CDC37L1: variants seen among roughly 807,000 people sequenced by gnomAD.
The protein encoded by CDC37L1 is hsp90 co-chaperone Cdc37-like 1.
CDC37L1 carries 32 observed loss-of-function variants against 45.9 expected under a neutral mutation model. That is an observed-to-expected ratio of 0.70 (90% CI 0.53 to 0.94). CDC37L1 has a LOEUF of 0.94. Ranked by LOEUF, CDC37L1 falls within the 40% of genes least tolerant of loss-of-function variation. The pLI, the probability that CDC37L1 is intolerant of heterozygous loss-of-function variation, is 0.00. For synonymous variants in CDC37L1, 150 were observed against 133.0 expected, an observed-to-expected ratio of 1.13 and a Z score of -0.88; for missense variants, 434 against 405.7, an observed-to-expected ratio of 1.07 and a Z score of -0.60.
Position 4,706,180 on chromosome 9 carries a change from GAC to G in CDC37L1, c.*71_*72del, listed in dbSNP as rs759269327. ...AAAGGAAGAACTTGGCTATTTTCTT[GAC>G]ACTTTTATGGGTGCTGCACTTTATT... is the stretch of plus-strand genomic sequence containing the variant. On this transcript the variant is annotated 3_prime_UTR_variant, in exon 7 of 7. Coordinates refer to ENST00000381854, the MANE Select transcript of CDC37L1 (RefSeq NM_017913.4). 1.6e-5 allele frequency: 13 copies of G among 807,470 alleles called. No individual in the cohort carries two copies. The highest frequency in any genetic ancestry group is 2.2e-5 in the Non-Finnish European group (10 of 458,218). The allele number at this position is 807,470 out of a possible 1,614,324, so 50.0% of individuals were successfully genotyped here.
intron 5 of CDC37L1, among the ~76,000 whole-genome samples, chr9:4,699,511 T>C (rs1180632611): frequency 1.3e-5 from 2 of 152,166 alleles, no homozygotes; most frequent in Non-Finnish European, 2.9e-5. Flanking sequence ...CACAGAGTGA[T>C]GTATCTGTTT....
chr9:4,683,092 ATTTT>A lies in CDC37L1; in HGVS notation c.133-1784_133-1781del, dbSNP rs1199101879. 2.1e-5 allele frequency among the ~76,000 whole-genome samples: 3 copies of A among 143,406 alleles called. No homozygotes were observed. The East Asian group carries it at 5.9e-4, about 28-fold the overall frequency. 94.1% of individuals were successfully genotyped at this position (143,406 alleles called of 152,430 possible). A position where few individuals can be genotyped will look rare whatever the true frequency, so the allele number is the denominator to read the frequency against. On this transcript the variant is annotated intron_variant, in intron 1 of 6. Coordinates refer to ENST00000381854, the MANE Select transcript of CDC37L1 (RefSeq NM_017913.4). ...TATACTTTATATATTTTATATATAT[ATTTT>A]ATTTTTATATATAAAATATATTTTA... is the stretch of plus-strand genomic sequence containing the variant.
At position 4,701,846 on chromosome 9, in the gene CDC37L1, T is replaced by G; in HGVS notation, c.748-18T>G. 6.4e-7 allele frequency: 1 copy of G among 1,571,162 alleles called. No individual in the cohort carries two copies. Among genetic ancestry groups the G allele is most frequent in the African/African-American group, 1.4e-5 (1 of 72,670 alleles). On this transcript the variant is annotated intron_variant, in intron 5 of 6. Coordinates refer to ENST00000381854, the MANE Select transcript of CDC37L1 (RefSeq NM_017913.4). ...TCTTGAAGAACACAGTCTTTGTTTT[T>G]TTTTTTGTTTTTTCTAGGCAGAGGA...
Position 4,706,151 on chromosome 9 carries a change from C to T in CDC37L1, c.*39C>T, listed in dbSNP as rs759258159. 4 of 997,014 alleles carry T rather than the reference C, an allele frequency of 4.0e-6. No individual in the cohort carries two copies. Among genetic ancestry groups the T allele is most frequent in the Non-Finnish European group, 4.8e-6 (3 of 623,556 alleles). 61.8% of individuals were successfully genotyped at this position (997,014 alleles called of 1,614,324 possible). ...GCTGAGGCCAAGTGCTATTTTGTTA[C>T]AAGAAAGGAAGAACTTGGCTATTTT... On this transcript the variant is annotated 3_prime_UTR_variant, in exon 7 of 7. Transcript: ENST00000381854.
At chr9:4,699,182 T>C (rs890759492) in intron 5 of CDC37L1, among the ~76,000 whole-genome samples, 2 of 152,178 alleles carry the variant, frequency 1.3e-5, no homozygotes, top group African/African-American at 4.8e-5. Context: ...TAGTAGATTG[T>C]AATAGCTAAA....
chr9:4,680,515 G>C (rs1246213303), intron 1 of CDC37L1, among the ~76,000 whole-genome samples: 1 of 152,050 alleles, frequency 6.6e-6, no homozygotes, highest in Non-Finnish European at 1.5e-5. Flanking sequence ...AAATATATAC[G>C]CATATACTTG....
At chr9:4,684,414 A>G (rs999374253) in intron 1 of CDC37L1, among the ~76,000 whole-genome samples, 17 of 152,232 alleles carry the variant, frequency 1.1e-4, no homozygotes, top group African/African-American at 3.6e-4. Flanking sequence ...AAAAATACAG[A>G]TAGAAAATAG....
At chr9:4,693,602 C>T (rs1841321387) in intron 3 of CDC37L1, among the ~76,000 whole-genome samples, 1 of 152,074 alleles carries the variant, frequency 6.6e-6, no homozygotes, top group Non-Finnish European at 1.5e-5. Flanking sequence ...TTTAGACGTT[C>T]ACTAGGGAAA....
intron 1 of CDC37L1, among the ~76,000 whole-genome samples, chr9:4,680,684 G>GT (rs1563765910): frequency 1.3e-5 from 2 of 152,058 alleles, no homozygotes; most frequent in African/African-American, 4.8e-5. Context: ...ACCTTGTCCT[G>GT]TTTTTTTCTC....
In CDC37L1 at chr9:4,706,007, C is replaced by T. The variant is rs749546434; in HGVS notation, c.913-4C>T. 6.8e-7 allele frequency: 1 copy of T among 1,477,898 alleles called. No homozygotes were observed. The highest frequency in any genetic ancestry group is 9.4e-7 in the Non-Finnish European group (1 of 1,059,156). The allele number at this position is 1,477,898 out of a possible 1,614,324, so 91.5% of individuals were successfully genotyped here. On this transcript the variant is annotated splice_region_variant and splice_polypyrimidine_tract_variant and intron_variant, in intron 6 of 6. Transcript: ENST00000381854. ...CCCCCAATCTACCTTTTCTTTTTCCCCAGAATCCAGATTATCTTCAGTATT... is the reference window on the plus strand; with the variant it reads ...CCCCCAATCTACCTTTTCTTTTTCCTCAGAATCCAGATTATCTTCAGTATT...
chr9:4,684,693 G>A (rs1841230348), intron 1 of CDC37L1, among the ~76,000 whole-genome samples, 184 bp from the exon 2 acceptor site: 1 of 152,168 alleles, frequency 6.6e-6, no homozygotes, highest in Admixed American at 6.5e-5. Flanking sequence ...AATTAACAAA[G>A]AAGTTTAGAA....
chr9:4,703,095 T>C (rs1841414964), intron 6 of CDC37L1: 9 of 1,544,846 alleles, frequency 5.8e-6, no homozygotes, highest in South Asian at 1.2e-5. Flanking sequence ...GGCTCCAAGA[T>C]TTTAAGACCA....
Position 4,688,626 on chromosome 9 carries a change from T to A in CDC37L1, c.508+20T>A. 1 of 1,408,920 alleles carries A rather than the reference T, an allele frequency of 7.1e-7. No individual in the cohort carries two copies. The highest frequency in any genetic ancestry group is 9.6e-7 in the Non-Finnish European group (1 of 1,036,298). 87.3% of individuals were successfully genotyped at this position (1,408,920 alleles called of 1,614,324 possible). A position where few individuals can be genotyped will look rare whatever the true frequency, so the allele number is the denominator to read the frequency against. ...ATTTTGGTAAGTCTACTACTTGGAT[T>A]TCCTTCTTTGTAATGTTTGGTATCA... On this transcript the variant is annotated intron_variant, in intron 3 of 6. Transcript: ENST00000381854.
At chr9:4,684,183 C>G (rs1013953003) in intron 1 of CDC37L1, among the ~76,000 whole-genome samples, 4 of 152,240 alleles carry the variant, frequency 2.6e-5, no homozygotes, top group African/African-American at 9.6e-5. Flanking sequence ...ACTTGGGAGG[C>G]TGAGGCAGGA....
intron 1 of CDC37L1, 81 bp downstream of exon 1, chr9:4,679,980 CTTCTACGCCTTT>C (rs1450581723): frequency 6.5e-7 from 1 of 1,528,210 alleles, no homozygotes. Flanking sequence ...CCCAGACCCT[CTTCTACGCCTTT>C]TTCTACGCCC....
intron 3 of CDC37L1, among the ~76,000 whole-genome samples, chr9:4,691,633 G>A (rs1841301861): frequency 6.6e-6 from 1 of 152,016 alleles, no homozygotes; most frequent in Admixed American, 6.6e-5. Flanking sequence ...TTTCTCTGTG[G>A]TCTTATTTGT....
Position 4,701,939 on chromosome 9 carries a change from C to A in CDC37L1, c.823C>A (p.Gln275Lys). Reference sequence around the variant, plus strand: ...CAAGTCAAGAGTAAGACTTTATTCTCAATCACAAAGTTTTCAACCTATGAC... The same window carrying A: ...CAAGTCAAGAGTAAGACTTTATTCTAAATCACAAAGTTTTCAACCTATGAC... ...AFKSRVRLYS[Q>K]SQSFQPMTVQ... Residue 275 changes from glutamine to lysine, a missense_variant, in exon 6 of 7, where the codon CAA (glutamine) becomes AAA (lysine). Coordinates refer to ENST00000381854, the MANE Select transcript of CDC37L1 (RefSeq NM_017913.4). 1 of 1,592,318 alleles carries A rather than the reference C, an allele frequency of 6.3e-7. No homozygotes were observed. Among genetic ancestry groups the A allele is most frequent in the South Asian group, 1.1e-5 (1 of 87,970 alleles).
chr9:4,688,036 C>T (rs1000776202), intron 2 of CDC37L1, among the ~76,000 whole-genome samples: 15 of 152,218 alleles, frequency 9.9e-5, no homozygotes, highest in East Asian at 3.9e-4. Context: ...CTTGTTCTGT[C>T]GCCTGGGCTG....
At chr9:4,704,953 G>T (rs917095616) in intron 6 of CDC37L1, among the ~76,000 whole-genome samples, 9 of 152,276 alleles carry the variant, frequency 5.9e-5, no homozygotes, top group South Asian at 2.1e-4. Context: ...CTGAAGCCCA[G>T]TGTGAGTGTC....
Sources: allele counts gnomAD v4.1 joint callset (sites outside exome capture counted in the v4.1 genomes callset), GRCh38; gene constraint gnomAD v4.1.1; transcripts MANE v1.5; gene names NCBI Gene and HGNC (gene_info 2026-07-23, HGNC 2026-07-21).